MYH11: variants seen among roughly 807,000 people sequenced by gnomAD.
MYH11 encodes the protein myosin heavy chain 11.
In MYH11, 80 loss-of-function variants were observed where a neutral mutation model predicts 246.6. That is an observed-to-expected ratio of 0.32 (90% CI 0.27 to 0.39). The LOEUF is 0.39. Ranked by LOEUF, MYH11 falls within the 10% of genes least tolerant of loss-of-function variation. The pLI, the probability that MYH11 is intolerant of heterozygous loss-of-function variation, is 1.00. For synonymous variants in MYH11, 1,071 were observed against 1,015.5 expected, an observed-to-expected ratio of 1.05 and a Z score of -1.04; for missense variants, 2,158 against 2,546.8, an observed-to-expected ratio of 0.85 and a Z score of 3.29.
At chr16:15,776,974 C>A (rs1294323414) in intron 7 of MYH11, among the ~76,000 whole-genome samples, 2 of 152,136 alleles carry the variant, frequency 1.3e-5, no homozygotes, top group Non-Finnish European at 2.9e-5. Context: ...GGGGCTAGAT[C>A]AGCAGACCTT....
chr16:15,850,167 C>T (rs1046162895), intron 1 of MYH11, among the ~76,000 whole-genome samples: 3 of 152,082 alleles, frequency 2.0e-5, no homozygotes, highest in African/African-American at 7.2e-5. Context: ...GGCGGATAAC[C>T]TGAGGTCAGT....
chr16:15,707,976 AAAAGC>A (rs2039555043), intron 40 of MYH11, among the ~76,000 whole-genome samples: 1 of 150,600 alleles, frequency 6.6e-6, no homozygotes, highest in South Asian at 2.1e-4. Context: ...AAAAAAAAAA[AAAAGC>A]AAAATCCCAG....
rs539987517 is a variant in MYH11, at chr16:15,825,057, G to A, written c.346-1646C>T. 5.8e-4 allele frequency among the ~76,000 whole-genome samples: 88 copies of A among 152,216 alleles called. 1 individual carries two copies. The highest frequency in any genetic ancestry group is 1.7e-3 in the African/African-American group (70 of 41,520). On this transcript the variant is annotated intron_variant, in intron 2 of 40. Transcript: ENST00000300036. ...AACACTGACATGAGCTCTCCAATGT[G>A]GATGAAGCTTGAAAATATGCCTAGT...
Position 15,703,811 on chromosome 16 carries a change from T to G in MYH11, c.*180A>C. ...CTACGTTGCCCAGGCTGGAGGGTGG[T>G]GGTTTTTATATTCCTTGTGTGAGGG... is the stretch of plus-strand genomic sequence containing the variant. On this transcript the variant is annotated 3_prime_UTR_variant, in exon 41 of 41. Coordinates refer to ENST00000300036, the MANE Select transcript of MYH11 (RefSeq NM_002474.3). 2.4e-6 allele frequency: 2 copies of G among 819,714 alleles called. No individual in the cohort carries two copies. The highest frequency in any genetic ancestry group is 4.0e-6 in the Non-Finnish European group (2 of 498,512). 50.8% of individuals were successfully genotyped at this position (819,714 alleles called of 1,614,324 possible).
intron 40 of MYH11, among the ~76,000 whole-genome samples, chr16:15,710,664 C>G (rs2039730429): frequency 6.6e-6 from 1 of 151,874 alleles, no homozygotes; most frequent in Admixed American, 6.6e-5. Flanking sequence ...GCCAGCAGAG[C>G]ACATCTGAGG....
At chr16:15,745,310 G>T in intron 19 of MYH11, 73 bp from the exon 20 acceptor site, 2 of 1,095,092 alleles carry the variant, frequency 1.8e-6, no homozygotes, top group Admixed American at 1.8e-5. Context: ...CTGCCCTGCA[G>T]CATCCTGAAC....
At chr16:15,712,362 A>C (rs1312712749) in intron 40 of MYH11, among the ~76,000 whole-genome samples, 1 of 152,072 alleles carries the variant, frequency 6.6e-6, no homozygotes, top group African/African-American at 2.4e-5. Flanking sequence ...AGAGATGAAA[A>C]CAACTAAGGC....
At chr16:15,733,004 T>C (rs926999531) in intron 26 of MYH11, 1 of 497,548 alleles carries the variant, frequency 2.0e-6, no homozygotes, top group South Asian at 2.2e-5. Flanking sequence ...TAAATATTAA[T>C]GTTGGCTCTT....
At chr16:15,808,351 C>G (rs1301259398) in intron 3 of MYH11, among the ~76,000 whole-genome samples, 1 of 152,148 alleles carries the variant, frequency 6.6e-6, no homozygotes, top group African/African-American at 2.4e-5. Context: ...ATCATCCTCA[C>G]GGGACAAGTG....
chr16:15,739,224 C>T (rs992599738), intron 23 of MYH11, among the ~76,000 whole-genome samples: 2 of 151,956 alleles, frequency 1.3e-5, no homozygotes, highest in East Asian at 1.9e-4. Flanking sequence ...CTCAGCCTCC[C>T]GAGTAGCTGG....
intron 33 of MYH11, among the ~76,000 whole-genome samples, 200 bp downstream of exon 33, chr16:15,720,639 C>G (rs900670625): frequency 4.6e-5 from 7 of 151,808 alleles, no homozygotes; most frequent in African/African-American, 1.7e-4. Context: ...GTAATCCAAG[C>G]TACTCGGGAG....
chr16:15,848,487 G>A (rs1415557341), intron 1 of MYH11, among the ~76,000 whole-genome samples: 1 of 151,998 alleles, frequency 6.6e-6, no homozygotes, highest in Non-Finnish European at 1.5e-5. Context: ...TCCCACCTTG[G>A]CCCCCCAAAG....
intron 38 of MYH11, among the ~76,000 whole-genome samples, chr16:15,715,618 G>A (rs900440930): frequency 6.6e-6 from 1 of 152,090 alleles, no homozygotes; most frequent in African/African-American, 2.4e-5. Context: ...ACAGGGCATG[G>A]GGTTTCTATT....
intron 3 of MYH11, among the ~76,000 whole-genome samples, chr16:15,815,657 G>A (rs749897848): frequency 2.6e-5 from 4 of 152,126 alleles, no homozygotes; most frequent in Non-Finnish European, 4.4e-5. Flanking sequence ...GTGGACACAC[G>A]TTTATAGATT....
chr16:15,758,487 T>C (rs1405693892), intron 12 of MYH11, among the ~76,000 whole-genome samples: 1 of 151,588 alleles, frequency 6.6e-6, no homozygotes, highest in Non-Finnish European at 1.5e-5. Flanking sequence ...CTGGCAAGCA[T>C]AGCGAAACCT....
chr16:15,798,635 CAGA>C, intron 4 of MYH11, 22 bp downstream of exon 4: 6 of 1,111,306 alleles, frequency 5.4e-6, no homozygotes, highest in Non-Finnish European at 7.3e-6. Flanking sequence ...AAAAAAAAAA[CAGA>C]AGAAAAAGCA....
In MYH11 at chr16:15,740,096, C is replaced by G. The variant is rs759420838; in HGVS notation, c.2952G>C (p.Glu984Asp). ...GATCATCCATGACCAGGATCTCATCCTCCAGTTTCTTGATCTTGGCCTCAG... is the reference window on the plus strand; with the variant it reads ...GATCATCCATGACCAGGATCTCATCGTCCAGTTTCTTGATCTTGGCCTCAG... The part of the protein sequence containing the change: ...VTAEAKIKKL[E>D]DEILVMDDQN... Residue 984 changes from glutamate to aspartate, a missense_variant, in exon 23 of 41, where the codon GAG (glutamate) becomes GAC (aspartate). Glu to Asp is a conservative substitution (Grantham distance 45). Coordinates refer to ENST00000300036, the MANE Select transcript of MYH11 (RefSeq NM_002474.3). 1 of 1,614,234 alleles carries G rather than the reference C, an allele frequency of 6.2e-7. No individual in the cohort carries two copies. The highest frequency in any genetic ancestry group is 2.2e-5 in the East Asian group (1 of 44,882).
At chr16:15,832,971 TTTTTTTTTTG>T (rs2043782622) in intron 2 of MYH11, among the ~76,000 whole-genome samples, 3 of 66,720 alleles carry the variant, frequency 4.5e-5, no homozygotes, top group Admixed American at 3.5e-4. Context: ...TTTTTTTTTT[TTTTTTTTTTG>T]AGATGTAGTC....
intron 4 of MYH11, among the ~76,000 whole-genome samples, chr16:15,797,499 C>A (rs2042768923): frequency 6.7e-6 from 1 of 149,990 alleles, no homozygotes; most frequent in Admixed American, 6.7e-5. Context: ...ATTTAAATAA[C>A]CTCTGTTGAT....
Sources: gnomAD v4.1 joint callset for allele counts (sites outside exome capture counted in the v4.1 genomes callset) on GRCh38, gnomAD v4.1.1 for gene constraint, MANE v1.5 for transcripts, NCBI Gene and HGNC (gene_info 2026-07-23, HGNC 2026-07-21) for gene names.